PLAC8: variants seen among roughly 807,000 people sequenced by gnomAD.
PLAC8 encodes placenta-specific gene 8 protein.
A neutral mutation model predicts 12.6 loss-of-function variants in PLAC8; 6 were observed. The ratio of observed to expected loss-of-function variants is 0.48; its 90% CI spans 0.26 to 0.94. The LOEUF is 0.94. PLAC8 is among the 40% of genes least tolerant of loss of function. The probability of loss-of-function intolerance (pLI) is 0.14; values close to 1 mark genes in which losing one functional copy is unlikely to be tolerated. For synonymous variants in PLAC8, 54 were observed against 52.6 expected, an observed-to-expected ratio of 1.03 and a Z score of -0.11; for missense variants, 122 against 152.7, an observed-to-expected ratio of 0.80 and a Z score of 1.06.
At chr4:83,107,151 G>A (rs1156824192) in intron 2 of PLAC8, among the ~76,000 whole-genome samples, 1 of 150,272 alleles carries the variant, frequency 6.7e-6, no homozygotes, top group Admixed American at 6.6e-5. Flanking sequence ...AGTGAGTGGA[G>A]ATCGTGCCAT....
At chr4:83,114,642 A>C (rs1265483072) in intron 1 of PLAC8, 24 bp downstream of exon 1, 1 of 152,250 alleles carries the variant, frequency 6.6e-6, no homozygotes, top group East Asian at 1.9e-4. Flanking sequence ...TTTTAAAACA[A>C]GTTCTTACTT....
At chr4:83,113,327 A>G (rs2126145041) in intron 1 of PLAC8, among the ~76,000 whole-genome samples, 1 of 152,296 alleles carries the variant, frequency 6.6e-6, no homozygotes, top group East Asian at 1.9e-4. Flanking sequence ...CCGGGAGCAC[A>G]TTCCAAACTA....
intron 3 of PLAC8, among the ~76,000 whole-genome samples, chr4:83,101,272 G>A (rs1732094269): frequency 6.6e-6 from 1 of 152,090 alleles, no homozygotes; most frequent in African/African-American, 2.4e-5. Context: ...CCCAGCTACT[G>A]GCGAGGCTGA....
chr4:83,097,253 A>ATGTG (rs749028488), intron 3 of PLAC8, among the ~76,000 whole-genome samples: 2 of 150,144 alleles, frequency 1.3e-5, no homozygotes, highest in Non-Finnish European at 3.0e-5. Flanking sequence ...GTGGGTGTGT[A>ATGTG]TGTGTGTGTG....
At chr4:83,095,680 A>G (rs1306723958) in intron 3 of PLAC8, among the ~76,000 whole-genome samples, 2 of 152,346 alleles carry the variant, frequency 1.3e-5, no homozygotes, top group East Asian at 3.9e-4. Flanking sequence ...GCCTCTAACT[A>G]AAAGTCAAGA....
At chr4:83,093,599 A>C (rs939711416) in intron 4 of PLAC8, 1 of 152,204 alleles carries the variant, frequency 6.6e-6, no homozygotes, top group African/African-American at 2.4e-5. Context: ...ATTAAAAATC[A>C]CTGCTTTCAA....
At chr4:83,111,128 G>A (rs529907775) in intron 1 of PLAC8, among the ~76,000 whole-genome samples, 1 of 152,174 alleles carries the variant, frequency 6.6e-6, no homozygotes, top group South Asian at 2.1e-4. Flanking sequence ...ACCATGCCTG[G>A]CTAATTTGTT....
At chr4:83,099,883 G>A (rs937634797) in intron 3 of PLAC8, among the ~76,000 whole-genome samples, 23 of 150,994 alleles carry the variant, frequency 1.5e-4, no homozygotes, top group Admixed American at 1.1e-3. Flanking sequence ...ACGCACACCC[G>A]TACTCCCAGC....
intron 3 of PLAC8, among the ~76,000 whole-genome samples, chr4:83,097,100 T>C (rs762188307): frequency 1.1e-4 from 17 of 152,202 alleles, no homozygotes; most frequent in Non-Finnish European, 2.5e-4. Flanking sequence ...TATTTGGTCC[T>C]AGAAACGCAT....
intron 1 of PLAC8, among the ~76,000 whole-genome samples, chr4:83,112,198 A>G (rs907634143): frequency 1.6e-4 from 3 of 18,900 alleles, no homozygotes; most frequent in African/African-American, 4.1e-4. Context: ...TTATATATAT[A>G]TATATGTATA....
chr4:83,107,896 A>C lies in PLAC8; in HGVS notation c.26T>G (p.Val9Gly), dbSNP rs768590017. MQAQAPVV[V>G]VTQPGVGPGP... ...GGGACCGACTCCAGGTTGGGTCACA[A>C]CGACCACCGGCGCCTGAGCTTGCAT... The change falls in exon 2 of 5, where the codon GTT (valine) becomes GGT (glycine). Residue 9 changes from valine (V) to glycine (G), a missense_variant. By Grantham distance (109) the Val-to-Gly change is moderately radical. Coordinates refer to ENST00000311507, the MANE Select transcript of PLAC8 (RefSeq NM_016619.3). 4.4e-5 allele frequency: 68 copies of C among 1,546,084 alleles called. 1 individual carries two copies. Among genetic ancestry groups the C allele is most frequent in the Non-Finnish European group, 5.8e-5 (66 of 1,139,754 alleles).
chr4:83,103,287 C>T (rs987391669), intron 3 of PLAC8, among the ~76,000 whole-genome samples: 2 of 151,496 alleles, frequency 1.3e-5, no homozygotes, highest in East Asian at 3.9e-4. Flanking sequence ...CTCAGCTACT[C>T]GGGAGGATGA....
intron 1 of PLAC8, among the ~76,000 whole-genome samples, chr4:83,112,047 G>C (rs1404230315): frequency 6.6e-6 from 1 of 152,084 alleles, no homozygotes; most frequent in African/African-American, 2.4e-5. Context: ...GGTAGTGTAT[G>C]CCTGTAATCC....
Position 83,098,455 on chromosome 4 carries a change from C to T in PLAC8, c.244-3664G>A, listed in dbSNP as rs1015290832. Among the ~76,000 whole-genome samples, 8 of 152,200 alleles carry T rather than the reference C, an allele frequency of 5.3e-5. No individual in the cohort carries two copies. The East Asian group carries it at 1.4e-3, about 26-fold the overall frequency. ...TTCTAAAAAGTTTATGAAAATCTTA[C>T]CTTATGGTCAAACTAATTAAAACTG... On this transcript the variant is annotated intron_variant, in intron 3 of 4. Coordinates refer to ENST00000311507, the MANE Select transcript of PLAC8 (RefSeq NM_016619.3).
intron 3 of PLAC8, among the ~76,000 whole-genome samples, chr4:83,095,002 G>A (rs928593842): frequency 1.3e-5 from 2 of 152,120 alleles, no homozygotes; most frequent in Admixed American, 1.3e-4. Flanking sequence ...TTCTGAAAAT[G>A]TAAGGAGATG....
At chr4:83,104,215 G>A (rs1014394849) in intron 3 of PLAC8, among the ~76,000 whole-genome samples, 4 of 152,140 alleles carry the variant, frequency 2.6e-5, no homozygotes, top group Non-Finnish European at 5.9e-5. Flanking sequence ...TGTAGTATAA[G>A]CATACCTTTT....
At chr4:83,101,606 G>A (rs1732104375) in intron 3 of PLAC8, among the ~76,000 whole-genome samples, 1 of 152,178 alleles carries the variant, frequency 6.6e-6, no homozygotes, top group Admixed American at 6.5e-5. Context: ...CAATGAAAAT[G>A]AAACAGCCTT....
chr4:83,096,111 G>C (rs1731919885), intron 3 of PLAC8, among the ~76,000 whole-genome samples: 2 of 152,210 alleles, frequency 1.3e-5, no homozygotes, highest in Non-Finnish European at 2.9e-5. Context: ...CAAAAGGGAG[G>C]TCTGCTTTGG....
chr4:83,100,063 G>A (rs185777770), intron 3 of PLAC8, among the ~76,000 whole-genome samples: 37 of 150,596 alleles, frequency 2.5e-4, no homozygotes, highest in Non-Finnish European at 4.4e-4. Flanking sequence ...AAGGTCAGGA[G>A]ATCGAGACCA....
Sources: gnomAD v4.1 joint callset for allele counts (sites outside exome capture counted in the v4.1 genomes callset) on GRCh38, gnomAD v4.1.1 for gene constraint, MANE v1.5 for transcripts, NCBI Gene and HGNC (gene_info 2026-07-23, HGNC 2026-07-21) for gene names.